TRPM7: variants seen among roughly 807,000 people sequenced by gnomAD.
TRPM7 encodes LTRPC ion channel family member 7.
In TRPM7, 134 loss-of-function variants were observed where a neutral mutation model predicts 229.7. That is an observed-to-expected ratio of 0.58 (90% CI 0.51 to 0.67). The LOEUF is 0.67. Among genes scored for constraint, TRPM7 ranks in the 30% least tolerant of loss-of-function variants. TRPM7 has a pLI of 0.00. For synonymous variants in TRPM7, 699 were observed against 715.2 expected (o/e 0.98, Z 0.36); for missense variants, 1,901 against 2,210.0 (o/e 0.86, Z 2.80).
chr15:50,682,102 T>C (rs1212008099), intron 1 of TRPM7, among the ~76,000 whole-genome samples: 1 of 137,118 alleles, frequency 7.3e-6, no homozygotes, highest in Non-Finnish European at 1.5e-5. Flanking sequence ...CACTTTAAAC[T>C]GGAAGGCACA....
At chr15:50,685,081 A>G (rs2062327048) in intron 1 of TRPM7, among the ~76,000 whole-genome samples, 1 of 152,260 alleles carries the variant, frequency 6.6e-6, no homozygotes, top group African/African-American at 2.4e-5. Context: ...GAATGATAGA[A>G]GAAATAAAAT....
rs543024015 is a variant in TRPM7, at chr15:50,587,094, G to A, written c.4390-606C>T. Among the ~76,000 whole-genome samples, 6 of 152,132 alleles carry A rather than the reference G, an allele frequency of 3.9e-5. No homozygotes were observed. In the East Asian group the frequency reaches 7.7e-4, roughly 20 times the overall value. ...ATATACAAAACTGTGGAGAAAAAACGCAATCATTATGAATTCACCTCACCC... is the reference window on the plus strand; with the variant it reads ...ATATACAAAACTGTGGAGAAAAAACACAATCATTATGAATTCACCTCACCC... On this transcript the variant is annotated intron_variant, in intron 27 of 38. Coordinates refer to ENST00000646667, the MANE Select transcript of TRPM7 (RefSeq NM_017672.6).
At chr15:50,602,184 C>T (rs1477634273) in intron 21 of TRPM7, among the ~76,000 whole-genome samples, 3 of 152,004 alleles carry the variant, frequency 2.0e-5, no homozygotes, top group African/African-American at 7.2e-5. Context: ...ACATATACAC[C>T]ATGGAATACT....
intron 28 of TRPM7, 127 bp from the exon 29 acceptor site, chr15:50,583,286 G>A (rs1421101842): frequency 1.9e-5 from 10 of 518,704 alleles, no homozygotes; most frequent in African/African-American, 6.0e-5. Flanking sequence ...TCCTCAACAC[G>A]CTGAACACAA....
In TRPM7 at chr15:50,667,875, T is replaced by C. The variant is rs373303654; in HGVS notation, c.4-4829A>G. On this transcript the variant is annotated intron_variant, in intron 1 of 38. Coordinates refer to ENST00000646667, the MANE Select transcript of TRPM7 (RefSeq NM_017672.6). ...ACAGGAAGCATTGCCAAATATGAAA[T>C]GGTGTTTGGCTTTCTTTGGGTTGCA... Among the ~76,000 whole-genome samples the C allele has an allele frequency of 2.8e-4, 43 of 152,152 alleles. 1 individual carries two copies. In the East Asian group the frequency reaches 4.0e-3, roughly 14 times the overall value.
intron 13 of TRPM7, among the ~76,000 whole-genome samples, chr15:50,617,862 T>C (rs528616758): frequency 6.6e-5 from 10 of 152,150 alleles, no homozygotes; most frequent in Admixed American, 6.5e-4. Context: ...CTCGCTTTGT[T>C]TGCCCAGGCT....
At chr15:50,601,142 A>G (rs1239595108) in intron 21 of TRPM7, among the ~76,000 whole-genome samples, 2 of 152,252 alleles carry the variant, frequency 1.3e-5, no homozygotes, top group Non-Finnish European at 2.9e-5. Flanking sequence ...AGGAAAAGCC[A>G]AGTCAAATAT....
intron 2 of TRPM7, among the ~76,000 whole-genome samples, chr15:50,658,551 G>A (rs560779207): frequency 8.4e-4 from 124 of 146,928 alleles, no homozygotes; most frequent in African/African-American, 2.9e-3. Context: ...CAGCCTGGGC[G>A]AAAGAGCGAG....
chr15:50,674,669 A>C (rs1369410009), intron 1 of TRPM7, among the ~76,000 whole-genome samples: 6 of 152,156 alleles, frequency 3.9e-5, no homozygotes, highest in Admixed American at 3.9e-4. Flanking sequence ...ACTAATTAGC[A>C]ACCTTGTCTT....
Position 50,558,906 on chromosome 15 carries a change from T to C in TRPM7, c.*2772A>G, listed in dbSNP as rs897138601. 4.7e-5 allele frequency: 7 copies of C among 150,296 alleles called. No homozygotes were observed. The highest frequency in any genetic ancestry group is 1.5e-4 in the African/African-American group (6 of 40,772). 9.3% of individuals were successfully genotyped at this position (150,296 alleles called of 1,614,324 possible). A position where few individuals can be genotyped will look rare whatever the true frequency, so the allele number is the denominator to read the frequency against. On this transcript the variant is annotated 3_prime_UTR_variant, in exon 39 of 39. Transcript: ENST00000646667. The stretch of plus-strand genomic sequence containing the variant: ...AGAGGTTGTCTTTTTTTTTTTTTTC[T>C]TTCTGAGACAGGATCTCACTCTGTT...
intron 20 of TRPM7, among the ~76,000 whole-genome samples, chr15:50,606,626 G>A (rs2059925946): frequency 6.6e-6 from 1 of 151,962 alleles, no homozygotes; most frequent in South Asian, 2.1e-4. Context: ...AGTCTTCCAA[G>A]TAGCTGGGAT....
At chr15:50,637,640 T>C (rs1231997972) in intron 6 of TRPM7, 47 bp from the exon 7 acceptor site, 3 of 1,473,900 alleles carry the variant, frequency 2.0e-6, no homozygotes, top group Admixed American at 2.3e-5. Context: ...TTAAATACAG[T>C]ATGATGTAAA....
rs747580567 is a variant in TRPM7, at chr15:50,596,299, A to G, written c.3246T>C (p.Phe1082=). 6.2e-7 allele frequency: 1 copy of G among 1,600,458 alleles called. No homozygotes were observed. The highest frequency in any genetic ancestry group is 8.5e-7 in the Non-Finnish European group (1 of 1,172,476). ...LTPFLQAVYL[F]VQYIIMVNLL... ...GATTAACCATAATGATATACTGTAC[A>G]AAGAGGTAGACTGCTTGAAGAAATG... Residue 1082 remains phenylalanine, a synonymous_variant, in exon 23 of 39, where the codon TTT becomes TTC. Transcript: ENST00000646667.
At chr15:50,678,537 TATATAC>T (rs1321766743) in intron 1 of TRPM7, among the ~76,000 whole-genome samples, 94 of 143,988 alleles carry the variant, frequency 6.5e-4, no homozygotes, top group East Asian at 2.8e-3. Flanking sequence ...TATATATATA[TATATAC>T]ACACACACAC....
At chr15:50,670,882 A>T (rs1007073267) in intron 1 of TRPM7, among the ~76,000 whole-genome samples, 2 of 152,072 alleles carry the variant, frequency 1.3e-5, no homozygotes, top group African/African-American at 4.8e-5. Context: ...GTGTCAAAAC[A>T]TATTAAGTAG....
intron 26 of TRPM7, among the ~76,000 whole-genome samples, chr15:50,590,640 T>C (rs1438642956): frequency 1.3e-5 from 2 of 152,128 alleles, no homozygotes; most frequent in African/African-American, 2.4e-5. Flanking sequence ...CATTAACAAA[T>C]AGGCTAAAAT....
intron 21 of TRPM7, among the ~76,000 whole-genome samples, chr15:50,602,061 C>T (rs2059796077): frequency 6.6e-6 from 1 of 151,584 alleles, no homozygotes; most frequent in South Asian, 2.1e-4. Flanking sequence ...ATAAATCATG[C>T]TACTATAAAG....
chr15:50,618,439 A>G (rs1204782460), intron 13 of TRPM7, among the ~76,000 whole-genome samples: 4 of 151,974 alleles, frequency 2.6e-5, no homozygotes, highest in Admixed American at 6.6e-5. Context: ...GCGTGGTGGC[A>G]GGTGCCTGTA....
intron 1 of TRPM7, among the ~76,000 whole-genome samples, chr15:50,671,108 T>A (rs543284012): frequency 9.2e-5 from 14 of 152,314 alleles, no homozygotes; most frequent in African/African-American, 3.4e-4. Context: ...AAAAATACAT[T>A]GTTATTTAGC....
Sources: gnomAD v4.1 joint callset for allele counts (sites outside exome capture counted in the v4.1 genomes callset) on GRCh38, gnomAD v4.1.1 for gene constraint, MANE v1.5 for transcripts, NCBI Gene and HGNC (gene_info 2026-07-23, HGNC 2026-07-21) for gene names.